The following PIWIL1 variants were observed in gnomAD, a reference collection of about 807,000 sequenced individuals.
PIWIL1 encodes piwi-like protein 1.
In PIWIL1, 73 loss-of-function variants were observed where a neutral mutation model predicts 114.4. The ratio of observed to expected loss-of-function variants is 0.64; its 90% confidence interval spans 0.53 to 0.78. PIWIL1 has a LOEUF of 0.78. PIWIL1 is among the 30% of genes least tolerant of loss of function. The pLI, the probability that PIWIL1 is intolerant of heterozygous loss-of-function variation, is 0.00. For synonymous variants in PIWIL1, 375 were observed against 369.0 expected (o/e 1.02, Z -0.19); for missense variants, 723 against 1,063.1 (o/e 0.68, Z 4.45).
intron 16 of PIWIL1, 129 bp downstream of exon 16, chr12:130,361,730 A>G (rs1331215171): frequency 4.4e-6 from 3 of 681,298 alleles, no homozygotes; most frequent in Non-Finnish European, 7.5e-6. Flanking sequence ...CGAATTTAGG[A>G]AAGAAAAATA....
chr12:130,423,333 G>A, the PIWIL1 span, among the ~76,000 whole-genome samples: 8 of 152,204 alleles, frequency 5.3e-5, no homozygotes, highest in South Asian at 2.1e-4. Flanking sequence ...TGCCGTGGGC[G>A]GCTGAGTCAC....
chr12:130,410,996 T>C, the PIWIL1 span, among the ~76,000 whole-genome samples: 4 of 152,356 alleles, frequency 2.6e-5, no homozygotes, highest in East Asian at 3.9e-4. Flanking sequence ...TCTCTGTCCA[T>C]GTATTTAGGT....
At chr12:130,392,896 T>G in the PIWIL1 span, among the ~76,000 whole-genome samples, 250 of 105,592 alleles carry the variant, frequency 2.4e-3, 46 homozygotes, top group African/African-American at 0.012. Context: ...AATGTTGTGA[T>G]GACCCGGTCA....
intron 6 of PIWIL1, among the ~76,000 whole-genome samples, chr12:130,347,548 C>T (rs1398068930): frequency 1.3e-5 from 2 of 152,136 alleles, no homozygotes; most frequent in East Asian, 1.9e-4. Context: ...CTGAAATTTT[C>T]GTGAGAATAG....
the PIWIL1 span, chr12:130,398,932 A>G: frequency 3.0e-6 from 1 of 328,588 alleles, no homozygotes; most frequent in Non-Finnish European, 5.6e-6. Flanking sequence ...CTATAAATTC[A>G]GTTGCTTTAC....
At chr12:130,341,772 TA>T (rs1229747472) in intron 1 of PIWIL1, among the ~76,000 whole-genome samples, 6 of 152,166 alleles carry the variant, frequency 3.9e-5, no homozygotes, top group African/African-American at 1.2e-4. Context: ...CCTCTACCCT[TA>T]ATAGCCTGAT....
At chr12:130,377,468 G>C (rs1827981527), downstream of PIWIL1, among the ~76,000 whole-genome samples, 1 of 152,188 alleles carries the variant, frequency 6.6e-6, no homozygotes, top group South Asian at 2.1e-4. Context: ...GGATATGTTA[G>C]AAATCTCCCC....
chr12:130,410,015 A>T, the PIWIL1 span, among the ~76,000 whole-genome samples: 1 of 152,228 alleles, frequency 6.6e-6, no homozygotes, highest in Non-Finnish European at 1.5e-5. Flanking sequence ...TTTCACCAGC[A>T]TGCACAGGCC....
chr12:130,399,244 TAAA>T, the PIWIL1 span: 1 of 761,446 alleles, frequency 1.3e-6, no homozygotes, highest in Non-Finnish European at 1.8e-6. Flanking sequence ...TGAAATAAAA[TAAA>T]AATGAGATAC....
At chr12:130,344,677 G>A (rs1250761301) in intron 3 of PIWIL1, among the ~76,000 whole-genome samples, 1 of 152,168 alleles carries the variant, frequency 6.6e-6, no homozygotes, top group Non-Finnish European at 1.5e-5. Context: ...GCTCATGACT[G>A]CCATCATTAA....
At chr12:130,370,298 T>C (rs1178310031) in intron 19 of PIWIL1, among the ~76,000 whole-genome samples, 1 of 151,534 alleles carries the variant, frequency 6.6e-6, no homozygotes, top group African/African-American at 2.4e-5. Context: ...CAGGCGGCTC[T>C]CTTTATCTGT....
the PIWIL1 span, among the ~76,000 whole-genome samples, chr12:130,382,372 ACT>A: frequency 1.3e-5 from 2 of 152,196 alleles, no homozygotes; most frequent in Admixed American, 1.3e-4. Flanking sequence ...CCTGTGAACC[ACT>A]GAGTTCTCCT....
At chr12:130,392,992 C>G in the PIWIL1 span, among the ~76,000 whole-genome samples, 1 of 143,020 alleles carries the variant, frequency 7.0e-6, no homozygotes, top group African/African-American at 2.7e-5. Flanking sequence ...GCGTCAGTTA[C>G]CTGGTGAGTA....
intron 9 of PIWIL1, among the ~76,000 whole-genome samples, chr12:130,352,153 T>C (rs2073229484): frequency 3.3e-5 from 5 of 152,176 alleles, no homozygotes; most frequent in Admixed American, 2.6e-4. Flanking sequence ...TGAAAGAGGT[T>C]GACGTTAAGA....
At chr12:130,423,925 G>A in the PIWIL1 span, among the ~76,000 whole-genome samples, 2 of 152,224 alleles carry the variant, frequency 1.3e-5, no homozygotes, top group Non-Finnish European at 2.9e-5. Context: ...ATTCTGGGGG[G>A]TGGAAATCAT....
At chr12:130,386,262 T>C in the PIWIL1 span, among the ~76,000 whole-genome samples, 1 of 152,132 alleles carries the variant, frequency 6.6e-6, no homozygotes. Flanking sequence ...GAGTTTATCA[T>C]TGACCCCTGC....
the PIWIL1 span, among the ~76,000 whole-genome samples, chr12:130,388,994 C>A: frequency 6.6e-6 from 1 of 152,040 alleles, no homozygotes; most frequent in African/African-American, 2.4e-5. Context: ...ACAATTTATT[C>A]ATAGCTTTCT....
At chr12:130,401,208 C>T in the PIWIL1 span, among the ~76,000 whole-genome samples, 4 of 152,118 alleles carry the variant, frequency 2.6e-5, no homozygotes, top group Admixed American at 1.3e-4. Flanking sequence ...CTCCACCTCC[C>T]GGGTTCAAGC....
chr12:130,426,206 G>A, the PIWIL1 span: 1 of 152,314 alleles, frequency 6.6e-6, no homozygotes, highest in South Asian at 2.1e-4. Context: ...TGTGCGCTGA[G>A]TGGCCAGATC....
Sources: gnomAD v4.1 joint callset for allele counts (sites outside exome capture counted in the v4.1 genomes callset) on GRCh38, gnomAD v4.1.1 for gene constraint, MANE v1.5 for transcripts, NCBI Gene and HGNC (gene_info 2026-07-23, HGNC 2026-07-21) for gene names.